DIP2C: variants seen among roughly 807,000 people sequenced by gnomAD.
DIP2C encodes the protein disco-interacting protein 2 homolog C.
A neutral mutation model predicts 192.4 loss-of-function variants in DIP2C; 33 were observed. The ratio of observed to expected loss-of-function variants is 0.17; its 90% CI spans 0.13 to 0.23. DIP2C has a LOEUF of 0.23. Ranked by LOEUF, DIP2C falls within the 10% of genes least tolerant of loss-of-function variation. DIP2C has a pLI of 1.00. For synonymous variants in DIP2C, 979 were observed against 864.1 expected (o/e 1.13, Z -2.33); for missense variants, 1,537 against 2,110.1 (o/e 0.73, Z 5.32).
intron 10 of DIP2C, among the ~76,000 whole-genome samples, chr10:398,700 A>T (rs999169061): frequency 6.6e-5 from 10 of 152,342 alleles, no homozygotes; most frequent in Non-Finnish European, 1.5e-4. Context: ...TTAGTAGCTT[A>T]TTTTCATTAT....
intron 1 of DIP2C, among the ~76,000 whole-genome samples, chr10:669,886 G>C (rs1180899108): frequency 6.6e-6 from 1 of 152,304 alleles, no homozygotes; most frequent in Admixed American, 6.5e-5. Flanking sequence ...ACACAGTACA[G>C]AACACTATCT....
chr10:641,440 C>G (rs1381634901), intron 1 of DIP2C, among the ~76,000 whole-genome samples: 1 of 152,206 alleles, frequency 6.6e-6, no homozygotes, highest in Non-Finnish European at 1.5e-5. Context: ...GGGTTCCATG[C>G]CTTAGATCCC....
intron 31 of DIP2C, among the ~76,000 whole-genome samples, chr10:312,388 G>A (rs570768804): frequency 3.0e-4 from 45 of 152,282 alleles, no homozygotes; most frequent in African/African-American, 1.1e-3. Flanking sequence ...ACAAAGAGTA[G>A]AAGATTTTTC....
chr10:593,055 C>T (rs1851493736), intron 1 of DIP2C, among the ~76,000 whole-genome samples: 1 of 152,118 alleles, frequency 6.6e-6, no homozygotes, highest in Admixed American at 6.5e-5. Flanking sequence ...GAGAGAGTAG[C>T]TTACAAATTA....
intron 29 of DIP2C, among the ~76,000 whole-genome samples, chr10:337,827 T>G: frequency 7.5e-6 from 1 of 132,778 alleles, no homozygotes; most frequent in East Asian, 2.3e-4. Flanking sequence ...TACGCAGCTG[T>G]GTGTGTGTGT....
At chr10:452,904 G>A (rs1968966852) in intron 3 of DIP2C, among the ~76,000 whole-genome samples, 1 of 152,228 alleles carries the variant, frequency 6.6e-6, no homozygotes, top group South Asian at 2.1e-4. Flanking sequence ...GCCAACGCCA[G>A]CGGATCACCG....
At chr10:417,766 A>G (rs369632052) in intron 6 of DIP2C, among the ~76,000 whole-genome samples, 5,893 of 67,926 alleles carry the variant, frequency 0.087, 1,747 homozygotes, top group East Asian at 0.33. Flanking sequence ...ATCCCTGTCC[A>G]CCTGCACCTG....
chr10:496,014 G>A (rs1278227804), intron 1 of DIP2C, among the ~76,000 whole-genome samples: 24 of 142,788 alleles, frequency 1.7e-4, no homozygotes, highest in East Asian at 2.1e-4. Flanking sequence ...TAGAACCCAC[G>A]GTGCCCTCCT....
At position 549,660 on chromosome 10, in the gene DIP2C, G is replaced by GC. The variant is rs530871936; in HGVS notation, c.86-63131dup. ...GGTGCCGGGGGCTTCAGAGCGGAGG[G>GC]CCCCCCCCGACCAGGTGCTGGAGGC... On this transcript the variant is annotated intron_variant, in intron 1 of 36. Coordinates refer to ENST00000280886, the MANE Select transcript of DIP2C (RefSeq NM_014974.3). Among the ~76,000 whole-genome samples, 460 of 151,586 alleles carry GC rather than the reference G, an allele frequency of 3.0e-3. 4 individuals carry two copies. Among genetic ancestry groups the GC allele is most frequent in the African/African-American group, 8.6e-3 (356 of 41,312 alleles).
chr10:532,330 C>T (rs1847418092), intron 1 of DIP2C, among the ~76,000 whole-genome samples: 1 of 152,152 alleles, frequency 6.6e-6, no homozygotes, highest in Non-Finnish European at 1.5e-5. Flanking sequence ...TAAGCCACTC[C>T]CTCTCTCCCC....
chr10:549,278 A>G (rs1005916976), intron 1 of DIP2C, among the ~76,000 whole-genome samples: 1 of 152,088 alleles, frequency 6.6e-6, no homozygotes, highest in African/African-American at 2.4e-5. Context: ...AACACCCAGG[A>G]AATTTAAACC....
intron 14 of DIP2C, among the ~76,000 whole-genome samples, chr10:386,351 C>T (rs1485479850): frequency 2.0e-5 from 3 of 152,214 alleles, no homozygotes; most frequent in Admixed American, 6.5e-5. Flanking sequence ...CTTGGACGCA[C>T]GTCTGACATG....
In DIP2C at chr10:489,172, C is replaced by T. The variant is rs367868145; in HGVS notation, c.86-2642G>A. On this transcript the variant is annotated intron_variant, in intron 1 of 36. Transcript: ENST00000280886. ...GCTCATGGCTCACAAACTCCTGCTA[C>T]GTTTTCATGGAAAAAGTCCAGTTAT... Among the ~76,000 whole-genome samples the T allele has an allele frequency of 1.2e-4, 18 of 152,308 alleles. No homozygotes were observed. In the East Asian group the frequency reaches 1.5e-3, roughly 13 times the overall value.
intron 1 of DIP2C, among the ~76,000 whole-genome samples, chr10:555,031 C>T (rs942748874): frequency 1.3e-5 from 2 of 151,906 alleles, no homozygotes; most frequent in Non-Finnish European, 2.9e-5. Flanking sequence ...ATATACTGAC[C>T]CCAAGTAATT....
At chr10:517,691 C>T (rs1048247122) in intron 1 of DIP2C, among the ~76,000 whole-genome samples, 8 of 152,168 alleles carry the variant, frequency 5.3e-5, no homozygotes, top group African/African-American at 9.7e-5. Flanking sequence ...ATACCAGAAA[C>T]GTGTCACCAG....
intron 1 of DIP2C, among the ~76,000 whole-genome samples, chr10:569,565 A>G (rs193069906): frequency 6.6e-6 from 1 of 152,298 alleles, no homozygotes; most frequent in East Asian, 1.9e-4. Context: ...TGGGAATAAC[A>G]TTCGGTTAAA....
intron 5 of DIP2C, among the ~76,000 whole-genome samples, chr10:420,807 GTC>G (rs1357111889): frequency 6.6e-6 from 1 of 152,176 alleles, no homozygotes; most frequent in Non-Finnish European, 1.5e-5. Context: ...CGTGACCTGA[GTC>G]TGCAGCCCTG....
intron 1 of DIP2C, among the ~76,000 whole-genome samples, chr10:548,219 C>CCCG (rs1554897772): frequency 1.5e-5 from 2 of 130,624 alleles, no homozygotes; most frequent in South Asian, 6.1e-4. Flanking sequence ...CCCCCCCCCC[C>CCCG]ACAGGAAAGC....
At chr10:658,956 CAT>C (rs1382476278) in intron 1 of DIP2C, among the ~76,000 whole-genome samples, 7 of 152,284 alleles carry the variant, frequency 4.6e-5, no homozygotes, top group African/African-American at 1.2e-4. Flanking sequence ...TGCACAGACA[CAT>C]ATCTCACACA....
Sources: gnomAD v4.1 joint callset for allele counts (sites outside exome capture counted in the v4.1 genomes callset) on GRCh38, gnomAD v4.1.1 for gene constraint, MANE v1.5 for transcripts, NCBI Gene and HGNC (gene_info 2026-07-23, HGNC 2026-07-21) for gene names.